Variants in PRKG1 observed in about 807,000 individuals in gnomAD.
PRKG1 encodes cGMP-dependent protein kinase 1.
In PRKG1, 35 loss-of-function variants were observed where a neutral mutation model predicts 88.1. The observed-to-expected ratio is 0.40, with a 90% CI of 0.30 to 0.53. The LOEUF (loss-of-function observed/expected upper bound fraction) is 0.53. PRKG1 is among the 20% of genes least tolerant of loss of function. The pLI, the probability that PRKG1 is intolerant of heterozygous loss-of-function variation, is 0.59. For missense variants in PRKG1, 540 were observed against 839.8 expected (o/e 0.64, Z 4.41); for synonymous variants, 303 against 292.5 (o/e 1.04, Z -0.37).
At chr10:52,071,213 G>A (rs10824016) in intron 7 of PRKG1, among the ~76,000 whole-genome samples, 26,290 of 151,984 alleles carry the variant, frequency 0.17, 2,877 homozygotes, top group South Asian at 0.28. Flanking sequence ...GTGTGATGCT[G>A]AGGTTTAGGC....
intron 2 of PRKG1, among the ~76,000 whole-genome samples, chr10:51,366,813 A>C (rs1294311609): frequency 6.6e-6 from 1 of 151,916 alleles, no homozygotes; most frequent in Non-Finnish European, 1.5e-5. Context: ...CAAGTCTCTC[A>C]TTATTTTAAC....
intron 2 of PRKG1, among the ~76,000 whole-genome samples, chr10:51,205,127 C>CTTTCTTTCTTTTTTTTTTTTTTTTTTTT (rs1433048297): frequency 1.6e-5 from 1 of 64,014 alleles, no homozygotes; most frequent in African/African-American, 5.8e-5. Context: ...ATTTTCTTTT[C>CTTTCTTTCTTTTTTTTTTTTTTTTTTTT]TTTTTTTTTT....
intron 5 of PRKG1, among the ~76,000 whole-genome samples, chr10:52,006,182 G>A (rs1447281161): frequency 6.6e-6 from 1 of 152,136 alleles, no homozygotes; most frequent in Non-Finnish European, 1.5e-5. Context: ...GAAAGAACCA[G>A]TGTAAGAACT....
chr10:51,729,474 C>A (rs553437242), intron 3 of PRKG1, among the ~76,000 whole-genome samples: 1 of 152,010 alleles, frequency 6.6e-6, no homozygotes, highest in East Asian at 1.9e-4. Context: ...AATCCCAGCA[C>A]TTTGGGAGGC....
intron 1 of PRKG1, among the ~76,000 whole-genome samples, chr10:51,130,035 TA>T (rs1201188436): frequency 6.6e-6 from 1 of 152,136 alleles, no homozygotes; most frequent in Non-Finnish European, 1.5e-5. Flanking sequence ...GCATGAACTT[TA>T]TACTAATAGT....
intron 4 of PRKG1, among the ~76,000 whole-genome samples, chr10:51,843,093 CTTTTTTTTT>C (rs1167219822): frequency 1.1e-5 from 1 of 87,912 alleles, no homozygotes; most frequent in Non-Finnish European, 2.3e-5. Context: ...GAAAATTATT[CTTTTTTTTT>C]TTTTTTTTTT....
intron 4 of PRKG1, among the ~76,000 whole-genome samples, chr10:51,827,606 G>A (rs1163776974): frequency 6.6e-6 from 1 of 151,846 alleles, no homozygotes; most frequent in African/African-American, 2.4e-5. Context: ...CTATTTCTAG[G>A]GAACTAAAAT....
intron 2 of PRKG1, among the ~76,000 whole-genome samples, chr10:51,260,903 A>G (rs1839688355): frequency 1.3e-5 from 2 of 152,220 alleles, no homozygotes; most frequent in Admixed American, 1.3e-4. Context: ...TATATAAGAC[A>G]AGTACACTAT....
chr10:52,179,057 CT>C (rs1050203634), intron 9 of PRKG1, among the ~76,000 whole-genome samples: 40 of 148,378 alleles, frequency 2.7e-4, no homozygotes, highest in African/African-American at 9.7e-4. Context: ...TCATTTTTTT[CT>C]TGTTGTTTTG....
rs138575026 is a variant in PRKG1 at position 51,649,362 on chromosome 10, T to G, written c.593-155223T>G. Among the ~76,000 whole-genome samples, 314 of 152,272 alleles carry G rather than the reference T, an allele frequency of 2.1e-3. 2 individuals carry two copies. Among genetic ancestry groups the G allele is most frequent in the Non-Finnish European group, 3.6e-3 (244 of 68,018 alleles). On this transcript the variant is annotated intron_variant, in intron 3 of 17. Coordinates refer to ENST00000373980, the MANE Select transcript of PRKG1 (RefSeq NM_006258.4). Reference sequence around the variant, plus strand: ...GATGCCTTCTTTGTACAACCAGTCTTATTTAATTAAGCATAATGATTTAAT... The same window carrying G: ...GATGCCTTCTTTGTACAACCAGTCTGATTTAATTAAGCATAATGATTTAAT...
rs4935320 is a variant in PRKG1, at chr10:52,207,203, G to C, written c.1077-44367G>C. ...CACTTGCATGCCCTGGAAAAACAGT[G>C]GGAAGGCTGTAGGTGAGTGCCTGCT... On this transcript the variant is annotated intron_variant, in intron 9 of 17. Transcript: ENST00000373980. 4.8e-3 allele frequency among the ~76,000 whole-genome samples: 724 copies of C among 152,260 alleles called. 29 individuals carry two copies. The highest frequency in any genetic ancestry group is 0.043 in the Admixed American group (662 of 15,296).
intron 3 of PRKG1, among the ~76,000 whole-genome samples, chr10:51,621,096 A>ATG (rs955700631): frequency 4.7e-5 from 7 of 148,622 alleles, no homozygotes; most frequent in South Asian, 2.1e-4. Context: ...ACTGACATAT[A>ATG]TGTGTGTGTG....
intron 5 of PRKG1, among the ~76,000 whole-genome samples, chr10:51,953,726 T>C (rs1055028941): frequency 6.6e-6 from 1 of 152,172 alleles, no homozygotes; most frequent in African/African-American, 2.4e-5. Context: ...GTTTTGTTTT[T>C]TTTTTAACTT....
chr10:51,103,522 A>T lies in PRKG1; in HGVS notation c.311+28621A>T, dbSNP rs112843998. On this transcript the variant is annotated intron_variant, in intron 1 of 17. Transcript: ENST00000373980. ...AAATTGTCACTGATTGTGATGATAG[A>T]CCGAAGACATTTCTGATAGTTTAGC... Among the ~76,000 whole-genome samples, 575 of 152,332 alleles carry T rather than the reference A, an allele frequency of 3.8e-3. 5 individuals are homozygous for T. Among genetic ancestry groups the T allele is most frequent in the African/African-American group, 0.013 (524 of 41,580 alleles).
intron 3 of PRKG1, among the ~76,000 whole-genome samples, chr10:51,746,220 T>C (rs74132403): frequency 2.0e-5 from 3 of 152,068 alleles, no homozygotes; most frequent in Non-Finnish European, 4.4e-5. Context: ...GTGCCATTAT[T>C]TGGTACTTTG....
intron 7 of PRKG1, among the ~76,000 whole-genome samples, chr10:52,107,432 G>A (rs1375700602): frequency 6.6e-6 from 1 of 152,112 alleles, no homozygotes; most frequent in East Asian, 1.9e-4. Context: ...TCTTAAATGA[G>A]ATCGAGCATC....
chr10:51,816,536 CATGTGTGTGTGTGTGT>C (rs1008065260), intron 4 of PRKG1, among the ~76,000 whole-genome samples: 1 of 98,378 alleles, frequency 1.0e-5, no homozygotes, highest in African/African-American at 3.0e-5. Flanking sequence ...ATAATTTTGG[CATGTGTGTGTGTGTGT>C]GTGTGTGTGT....
chr10:51,439,760 C>T (rs1839042787), intron 2 of PRKG1, among the ~76,000 whole-genome samples: 1 of 151,856 alleles, frequency 6.6e-6, no homozygotes, highest in Non-Finnish European at 1.5e-5. Context: ...AACCCAGATG[C>T]CATTCTGAAC....
chr10:51,881,951 A>G (rs1841449469), intron 4 of PRKG1, among the ~76,000 whole-genome samples: 2 of 152,150 alleles, frequency 1.3e-5, no homozygotes, highest in Admixed American at 1.3e-4. Context: ...TTTGACCACC[A>G]TGCTGCTGCA....
Sources: allele counts gnomAD v4.1 joint callset (sites outside exome capture counted in the v4.1 genomes callset), GRCh38; gene constraint gnomAD v4.1.1; transcripts MANE v1.5; gene names NCBI Gene and HGNC (gene_info 2026-07-23, HGNC 2026-07-21).